THSD4: variants seen among roughly 807,000 people sequenced by gnomAD.
THSD4 encodes the protein thrombospondin type-1 domain-containing protein 4.
THSD4 carries 69 observed loss-of-function variants against 119.0 expected under a neutral mutation model. That is an observed-to-expected ratio of 0.58 (90% CI 0.48 to 0.71). The LOEUF (loss-of-function observed/expected upper bound fraction) is 0.71. Ranked by LOEUF, THSD4 falls within the 30% of genes least tolerant of loss-of-function variation. The probability of loss-of-function intolerance (pLI) is 0.00; values close to 1 mark genes in which losing one functional copy is unlikely to be tolerated. For missense variants in THSD4, 1,393 were observed against 1,391.1 expected, an observed-to-expected ratio of 1.00 and a Z score of -0.02; for synonymous variants, 524 against 540.4, an observed-to-expected ratio of 0.97 and a Z score of 0.42.
intron 3 of THSD4, among the ~76,000 whole-genome samples, chr15:71,181,716 CA>C (rs2043530521): frequency 6.6e-6 from 1 of 152,170 alleles, no homozygotes; most frequent in Admixed American, 6.5e-5. Flanking sequence ...TGGTATCTAC[CA>C]ACTCTCTCCT....
At chr15:71,617,215 A>G (rs1983032) in intron 7 of THSD4, among the ~76,000 whole-genome samples, 28,924 of 152,190 alleles carry the variant, frequency 0.19, 3,098 homozygotes, top group Non-Finnish European at 0.24. Context: ...AGAACATTTA[A>G]TAGTAATTTT....
chr15:71,739,252 C>T (rs1168252764), intron 11 of THSD4, among the ~76,000 whole-genome samples: 2 of 152,144 alleles, frequency 1.3e-5, no homozygotes, highest in African/African-American at 2.4e-5. Flanking sequence ...CAGGGACAAA[C>T]CTGAAGCCCA....
chr15:71,381,380 CTT>C (rs1442912552), intron 6 of THSD4, among the ~76,000 whole-genome samples: 20 of 152,256 alleles, frequency 1.3e-4, no homozygotes, highest in African/African-American at 4.8e-4. Flanking sequence ...TATTGGCTGA[CTT>C]AATATAAAAA....
chr15:71,442,660 G>GTGTATGTATGTATGTA lies in THSD4; in HGVS notation c.1152+30838_1152+30839insGTATGTATGTATGTAT. On this transcript the variant is annotated intron_variant, in intron 7 of 17. Coordinates refer to ENST00000261862, the MANE Select transcript of THSD4 (RefSeq NM_024817.3). ...TGTGTGTATATGTGTGTGTGTGTGT[G>GTGTATGTATGTATGTA]TATATATATATATATATATATATAT... 2.4e-3 allele frequency among the ~76,000 whole-genome samples: 62 copies of GTGTATGTATGTATGTA among 25,790 alleles called. 1 individual carries two copies. The highest frequency in any genetic ancestry group is 4.8e-3 in the South Asian group (2 of 418). The allele number at this position is 25,790 out of a possible 152,430, so 16.9% of individuals were successfully genotyped here.
chr15:71,537,785 A>C (rs921600532), intron 7 of THSD4, among the ~76,000 whole-genome samples: 2 of 151,954 alleles, frequency 1.3e-5, no homozygotes, highest in African/African-American at 4.8e-5. Flanking sequence ...TTTTTGAGAC[A>C]GAGTCTCACT....
chr15:71,159,683 T>C (rs1465324763), intron 3 of THSD4, among the ~76,000 whole-genome samples: 1 of 152,186 alleles, frequency 6.6e-6, no homozygotes, highest in African/African-American at 2.4e-5. Flanking sequence ...TAAGAGTTTT[T>C]TGGTAGAGTC....
intron 6 of THSD4, among the ~76,000 whole-genome samples, chr15:71,384,556 A>G (rs941275598): frequency 6.6e-6 from 1 of 152,090 alleles, no homozygotes; most frequent in Non-Finnish European, 1.5e-5. Flanking sequence ...AGCAGATTCA[A>G]TTTTTCTTTC....
At chr15:71,587,787 T>TAAAAAAAA (rs1207231444) in intron 7 of THSD4, among the ~76,000 whole-genome samples, 4 of 105,558 alleles carry the variant, frequency 3.8e-5, no homozygotes, top group Admixed American at 2.1e-4. Context: ...AAAAAAAAAT[T>TAAAAAAAA]AAAAAAAAAA....
At chr15:71,466,455 C>T (rs1471046507) in intron 7 of THSD4, among the ~76,000 whole-genome samples, 1 of 152,156 alleles carries the variant, frequency 6.6e-6, no homozygotes, top group Non-Finnish European at 1.5e-5. Context: ...TCCCCCAGCT[C>T]CAGGCCCGAT....
intron 6 of THSD4, among the ~76,000 whole-genome samples, chr15:71,288,891 G>A (rs911193008): frequency 6.6e-6 from 1 of 152,172 alleles, no homozygotes; most frequent in African/African-American, 2.4e-5. Flanking sequence ...CTGCATGGGG[G>A]ATTTCTGCAG....
At chr15:71,765,902 G>C (rs973758457) in intron 16 of THSD4, among the ~76,000 whole-genome samples, 10 of 151,918 alleles carry the variant, frequency 6.6e-5, no homozygotes, top group Non-Finnish European at 1.2e-4. Flanking sequence ...TGGCTACTAG[G>C]AAGCGCAAAG....
At chr15:71,422,868 T>G (rs2046825702) in intron 7 of THSD4, among the ~76,000 whole-genome samples, 1 of 152,122 alleles carries the variant, frequency 6.6e-6, no homozygotes, top group South Asian at 2.1e-4. Context: ...TGTTGCTCTA[T>G]TCTACTGCAG....
In THSD4 at chr15:71,705,669, G is replaced by A. The variant is rs368504521; in HGVS notation, c.1358-22880G>A. Among the ~76,000 whole-genome samples the A allele has an allele frequency of 2.6e-3, 390 of 152,304 alleles. 1 individual carries two copies. Among genetic ancestry groups the A allele is most frequent in the African/African-American group, 8.9e-3 (368 of 41,578 alleles). ...CAGGACAGCAGCCAGGAGGAAATGA[G>A]AAGCTCCTGCAGCTTTTTCATCAGT... On this transcript the variant is annotated intron_variant, in intron 8 of 17. Coordinates refer to ENST00000261862, the MANE Select transcript of THSD4 (RefSeq NM_024817.3).
In THSD4 at chr15:71,154,902, C is replaced by T; in HGVS notation, c.69C>T (p.Val23=). ...CFLLLLGFQF[V]CPQPSTQHRK... is the part of the protein sequence containing the mutation. ...TTCTGCTGCTTGGATTCCAGTTCGT[C>T]TGCCCACAGCCCTCCACTCAACACA... The change falls in exon 3 of 18, where the codon GTC becomes GTT. Residue 23 remains valine (V), a synonymous_variant. Coordinates refer to ENST00000261862, the MANE Select transcript of THSD4 (RefSeq NM_024817.3). 6.2e-7 allele frequency: 1 copy of T among 1,614,170 alleles called. No homozygotes were observed. The highest frequency in any genetic ancestry group is 8.5e-7 in the Non-Finnish European group (1 of 1,180,038).
At chr15:71,141,586 A>G in intron 2 of THSD4, 30 bp downstream of exon 2, 3 of 1,596,054 alleles carry the variant, frequency 1.9e-6, no homozygotes, top group South Asian at 1.1e-5. Flanking sequence ...TTAAAAAAAC[A>G]GGAGAATAAG....
intron 6 of THSD4, among the ~76,000 whole-genome samples, chr15:71,282,483 A>C (rs375539198): frequency 0.022 from 1 of 46 alleles, no homozygotes. Flanking sequence ...TGTAGCTGTC[A>C]ACAGTCCTGT....
intron 2 of THSD4, among the ~76,000 whole-genome samples, chr15:71,151,583 G>A (rs914080402): frequency 6.6e-6 from 1 of 152,138 alleles, no homozygotes; most frequent in Non-Finnish European, 1.5e-5. Context: ...ATTTGCCCAA[G>A]GTCATGCAAC....
At chr15:71,763,279 G>A (rs1009047838) in intron 15 of THSD4, among the ~76,000 whole-genome samples, 2 of 151,594 alleles carry the variant, frequency 1.3e-5, no homozygotes, top group Admixed American at 6.6e-5. Flanking sequence ...TTATTTGATT[G>A]TGTGGCTGCC....
At chr15:71,650,524 C>A (rs2051062389) in intron 7 of THSD4, among the ~76,000 whole-genome samples, 1 of 152,082 alleles carries the variant, frequency 6.6e-6, no homozygotes, top group African/African-American at 2.4e-5. Flanking sequence ...TCCCCGGGGG[C>A]CTGAAAGCTT....
Sources: allele counts gnomAD v4.1 joint callset (sites outside exome capture counted in the v4.1 genomes callset), GRCh38; gene constraint gnomAD v4.1.1; transcripts MANE v1.5; gene names NCBI Gene and HGNC (gene_info 2026-07-23, HGNC 2026-07-21).